The following ZNF804B variants were observed in gnomAD, a reference collection of about 807,000 sequenced individuals.
The protein encoded by ZNF804B is zinc finger 804B.
Under a neutral mutation model 101.4 loss-of-function variants are expected in ZNF804B, and 80 were observed. That is an observed-to-expected ratio of 0.79 (90% CI 0.66 to 0.95). The LOEUF (loss-of-function observed/expected upper bound fraction) is 0.95. ZNF804B is among the 40% of genes least tolerant of loss of function. ZNF804B has a pLI of 0.00. For missense variants in ZNF804B, 1,673 were observed against 1,561.9 expected (o/e 1.07, Z -1.20); for synonymous variants, 622 against 558.8 (o/e 1.11, Z -1.59).
intron 1 of ZNF804B, among the ~76,000 whole-genome samples, chr7:89,208,390 T>C (rs1788749842): frequency 6.6e-6 from 1 of 152,184 alleles, no homozygotes; most frequent in Admixed American, 6.5e-5. Flanking sequence ...CCCTGTTTTA[T>C]TGGTTGTTAA....
chr7:89,283,300 A>G (rs1790128016), intron 2 of ZNF804B, among the ~76,000 whole-genome samples: 1 of 152,250 alleles, frequency 6.6e-6, no homozygotes, highest in Non-Finnish European at 1.5e-5. Context: ...GAAGCATTAA[A>G]AAAAGAGATG....
chr7:89,077,503 T>A (rs184128975), intron 1 of ZNF804B, among the ~76,000 whole-genome samples: 80 of 152,286 alleles, frequency 5.3e-4, no homozygotes, highest in Admixed American at 4.3e-3. Context: ...TTTAACGAGA[T>A]CGTTTATTCT....
intron 1 of ZNF804B, among the ~76,000 whole-genome samples, chr7:88,806,578 T>TACCA (rs1198070240): frequency 6.6e-6 from 1 of 151,982 alleles, no homozygotes; most frequent in African/African-American, 2.4e-5. Flanking sequence ...TGCATCTATC[T>TACCA]ACCATGGACC....
At chr7:89,216,659 C>T (rs1788901685) in intron 1 of ZNF804B, among the ~76,000 whole-genome samples, 1 of 152,066 alleles carries the variant, frequency 6.6e-6, no homozygotes, top group Admixed American at 6.5e-5. Context: ...TTCTTTTTGC[C>T]ATGTGTTTTA....
At chr7:88,968,597 T>G (rs561214858) in intron 1 of ZNF804B, among the ~76,000 whole-genome samples, 3 of 151,720 alleles carry the variant, frequency 2.0e-5, no homozygotes, top group South Asian at 2.1e-4. Flanking sequence ...TTGTCTAGAA[T>G]GAATAAAATG....
At chr7:88,959,512 A>G (rs572311841) in intron 1 of ZNF804B, among the ~76,000 whole-genome samples, 13 of 151,518 alleles carry the variant, frequency 8.6e-5, no homozygotes, top group Admixed American at 7.9e-4. Context: ...TATTCAAATA[A>G]TATGGCTGGA....
chr7:88,854,398 T>TCTTTCTTTCTTTCTTTCTTC (rs1583977046), intron 1 of ZNF804B, among the ~76,000 whole-genome samples: 6 of 134,940 alleles, frequency 4.4e-5, no homozygotes, highest in African/African-American at 1.9e-4. Flanking sequence ...TTTCTTTCTT[T>TCTTTCTTTCTTTCTTTCTTC]CTTTCTTTCT....
intron 1 of ZNF804B, among the ~76,000 whole-genome samples, chr7:88,763,338 C>CA (rs1369353470): frequency 1.3e-5 from 2 of 151,982 alleles, no homozygotes; most frequent in African/African-American, 4.8e-5. Flanking sequence ...ATTTTACCCC[C>CA]AAACAGTTTT....
intron 1 of ZNF804B, among the ~76,000 whole-genome samples, chr7:89,013,573 G>A (rs944767399): frequency 1.3e-5 from 2 of 152,184 alleles, no homozygotes; most frequent in Non-Finnish European, 2.9e-5. Flanking sequence ...TACATGCAAT[G>A]TATAGTGATT....
intron 1 of ZNF804B, among the ~76,000 whole-genome samples, chr7:89,203,963 C>G (rs1788681968): frequency 6.6e-6 from 1 of 152,146 alleles, no homozygotes; most frequent in Non-Finnish European, 1.5e-5. Flanking sequence ...TTGAAATTCA[C>G]TGAATCTATT....
chr7:89,140,825 T>A (rs1449521039), intron 1 of ZNF804B, among the ~76,000 whole-genome samples: 1 of 151,740 alleles, frequency 6.6e-6, no homozygotes, highest in Non-Finnish European at 1.5e-5. Context: ...ACTTTTAATT[T>A]TCTTCAATAA....
chr7:89,239,337 C>G (rs1207431256), intron 2 of ZNF804B, among the ~76,000 whole-genome samples: 1 of 152,056 alleles, frequency 6.6e-6, no homozygotes, highest in Non-Finnish European at 1.5e-5. Flanking sequence ...AACTCTTCTC[C>G]CTCTCTTTGA....
chr7:88,984,251 A>G (rs752224168), intron 1 of ZNF804B, among the ~76,000 whole-genome samples: 8 of 152,110 alleles, frequency 5.3e-5, no homozygotes, highest in Non-Finnish European at 1.2e-4. Context: ...TTCATATAAA[A>G]GTAAATATAT....
At chr7:89,116,163 C>T (rs1472882115) in intron 1 of ZNF804B, among the ~76,000 whole-genome samples, 1 of 151,990 alleles carries the variant, frequency 6.6e-6, no homozygotes, top group Non-Finnish European at 1.5e-5. Context: ...ATCCACCCAC[C>T]TAGGCCTCCC....
At chr7:88,774,204 T>G (rs1248191848) in intron 1 of ZNF804B, among the ~76,000 whole-genome samples, 2 of 44,172 alleles carry the variant, frequency 4.5e-5, no homozygotes, top group East Asian at 3.7e-3. Context: ...TTTTTTAAGT[T>G]TTTTTTTTTT....
At chr7:89,309,675 G>A (rs957635696) in intron 2 of ZNF804B, among the ~76,000 whole-genome samples, 12 of 144,182 alleles carry the variant, frequency 8.3e-5, no homozygotes, top group South Asian at 4.5e-4. Flanking sequence ...CAGAAGAATC[G>A]CTTGAACCAT....
intron 1 of ZNF804B, among the ~76,000 whole-genome samples, chr7:88,927,417 C>T (rs1027417758): frequency 5.3e-5 from 8 of 152,156 alleles, no homozygotes; most frequent in African/African-American, 1.9e-4. Flanking sequence ...CGTTCAAACA[C>T]ATGAAGAGAA....
At chr7:89,229,820 A>C (rs1789161177) in intron 2 of ZNF804B, among the ~76,000 whole-genome samples, 1 of 152,226 alleles carries the variant, frequency 6.6e-6, no homozygotes, top group African/African-American at 2.4e-5. Context: ...TGATTAAAAA[A>C]TACACATTAA....
intron 1 of ZNF804B, among the ~76,000 whole-genome samples, chr7:88,807,318 G>T (rs1040070103): frequency 6.6e-6 from 1 of 151,714 alleles, no homozygotes; most frequent in African/African-American, 2.4e-5. Context: ...ACAATAAAAA[G>T]AACAAAAATA....
Sources: gnomAD v4.1 joint callset for allele counts (sites outside exome capture counted in the v4.1 genomes callset) on GRCh38, gnomAD v4.1.1 for gene constraint, MANE v1.5 for transcripts, NCBI Gene and HGNC (gene_info 2026-07-23, HGNC 2026-07-21) for gene names.